GPR26: variants seen among roughly 807,000 people sequenced by gnomAD.
The protein encoded by GPR26 is G protein-coupled receptor 26.
Under a neutral mutation model 23.1 loss-of-function variants are expected in GPR26, and 15 were observed. The ratio of observed to expected loss-of-function variants is 0.65; its 90% CI spans 0.43 to 1.00. The LOEUF is 1.00. Ranked by LOEUF, GPR26 falls within the 50% of genes least tolerant of loss-of-function variation. GPR26 has a pLI of 0.00. For missense variants in GPR26, 359 were observed against 470.5 expected, an observed-to-expected ratio of 0.76 and a Z score of 2.19; for synonymous variants, 228 against 222.1, an observed-to-expected ratio of 1.03 and a Z score of -0.24.
chr10:123,678,270 G>A (rs1845331190), intron 2 of GPR26, among the ~76,000 whole-genome samples: 1 of 152,144 alleles, frequency 6.6e-6, no homozygotes, highest in South Asian at 2.1e-4. Context: ...GAAGTCAGGG[G>A]TGTGAGGTGT....
At chr10:123,675,630 C>A (rs1370548444) in intron 2 of GPR26, among the ~76,000 whole-genome samples, 1 of 151,976 alleles carries the variant, frequency 6.6e-6, no homozygotes, top group Admixed American at 6.5e-5. Flanking sequence ...ATATATATTA[C>A]TCAATCAGTT....
intron 2 of GPR26, among the ~76,000 whole-genome samples, chr10:123,685,467 C>T (rs1281800908): frequency 1.3e-5 from 2 of 152,232 alleles, no homozygotes; most frequent in Non-Finnish European, 1.5e-5. Flanking sequence ...AGCAGCTCAG[C>T]CAGCCACAGC....
At chr10:123,681,876 T>C (rs949634384) in intron 2 of GPR26, among the ~76,000 whole-genome samples, 3 of 152,190 alleles carry the variant, frequency 2.0e-5, no homozygotes, top group Non-Finnish European at 2.9e-5. Flanking sequence ...GCATACCTTA[T>C]TGCATCTGGG....
At position 123,690,716 on chromosome 10, in the gene GPR26, T is replaced by G. The variant is rs374343450; in HGVS notation, c.*2556T>G. 2.0e-5 allele frequency: 3 copies of G among 152,246 alleles called. No homozygotes were observed. The highest frequency in any genetic ancestry group is 2.0e-4 in the Admixed American group (3 of 15,290). 9.4% of individuals were successfully genotyped at this position (152,246 alleles called of 1,614,324 possible). A position where few individuals can be genotyped will look rare whatever the true frequency, so the allele number is the denominator to read the frequency against. On this transcript the variant is annotated 3_prime_UTR_variant, in exon 3 of 3. Transcript: ENST00000284674. ...GTATTAGCAACCAGTGTTAGCCAAC[T>G]CTGCTGTAATTACCTTTAGATAAAT...
Position 123,666,915 on chromosome 10 carries a change from G to A in GPR26, c.508G>A (p.Ala170Thr), listed in dbSNP as rs760298769. 6 of 1,613,044 alleles carry A rather than the reference G, an allele frequency of 3.7e-6. No individual in the cohort carries two copies. In the African/African-American group the frequency reaches 4.0e-5, roughly 11 times the overall value. ...SRRPDERLRF[A>T]VFTGAFHALS... Reference sequence around the variant, plus strand: ...GCGGCCAGACGAGCGCCTGCGCTTCGCCGTCTTCACTGGCGCCTTCCACGC... The same window carrying A: ...GCGGCCAGACGAGCGCCTGCGCTTCACCGTCTTCACTGGCGCCTTCCACGC... The change falls in exon 1 of 3, where the codon GCC becomes ACC. Residue 170 changes from alanine (A) to threonine (T), a missense_variant. Physicochemically the swap from Ala to Thr is moderately conservative, Grantham distance 58 (BLOSUM62 0). Coordinates refer to ENST00000284674, the MANE Select transcript of GPR26 (RefSeq NM_153442.4).
At position 123,688,093 on chromosome 10, in the gene GPR26, G is replaced by A. The variant is rs766170746; in HGVS notation, c.947G>A (p.Arg316His). Reference protein sequence around the residue: ...KEILNRLLHRRSIHSSGLTGD... With the variant: ...KEILNRLLHRHSIHSSGLTGD... The stretch of plus-strand genomic sequence containing the variant: ...ATTCTGAACAGGCTCCTGCACAGAC[G>A]CTCCATCCACTCCTCTGGCCTCACA... The change falls in exon 3 of 3, where the codon CGC becomes CAC. Residue 316 changes from arginine to histidine, a missense_variant. Arg to His is a conservative substitution (Grantham distance 29). Transcript: ENST00000284674. 4 of 1,613,622 alleles carry A rather than the reference G, an allele frequency of 2.5e-6. No individual in the cohort carries two copies. Among genetic ancestry groups the A allele is most frequent in the East Asian group, 2.2e-5 (1 of 44,890 alleles).
chr10:123,670,626 C>T (rs1249975659), intron 1 of GPR26, among the ~76,000 whole-genome samples: 1 of 152,230 alleles, frequency 6.6e-6, no homozygotes, highest in Non-Finnish European at 1.5e-5. Flanking sequence ...GCCCACCTGC[C>T]TTGCCTCCCA....
chr10:123,690,215 AG>A lies in GPR26; in HGVS notation c.*2056del, dbSNP rs1163027749. On this transcript the variant is annotated 3_prime_UTR_variant, in exon 3 of 3. Coordinates refer to ENST00000284674, the MANE Select transcript of GPR26 (RefSeq NM_153442.4). Reference sequence around the variant, plus strand: ...GTGCACCCTCCAACATCCCAACCCCAGAGGAACCAGTGGGATTGAAAACCAG... The same window carrying A: ...GTGCACCCTCCAACATCCCAACCCCAAGGAACCAGTGGGATTGAAAACCAG... The A allele has an allele frequency of 1.3e-5, 2 of 152,148 alleles. No individual in the cohort carries two copies. Among genetic ancestry groups the A allele is most frequent in the African/African-American group, 4.8e-5 (2 of 41,420 alleles). The allele number at this position is 152,148 out of a possible 1,614,324, so 9.4% of individuals were successfully genotyped here. A position where few individuals can be genotyped will look rare whatever the true frequency, so the allele number is the denominator to read the frequency against.
At chr10:123,675,316 CA>C (rs1192933041) in intron 2 of GPR26, among the ~76,000 whole-genome samples, 1 of 152,154 alleles carries the variant, frequency 6.6e-6, no homozygotes, top group Non-Finnish European at 1.5e-5. Context: ...CCACTGAATG[CA>C]AGATGGCCCA....
rs1028830408 is a variant in GPR26 at position 123,676,469 on chromosome 10, G to A, written c.782+1538G>A. ...CATCCCTGGCCTCTACCCAGGGGAT[G>A]CCAGTAGCACCTCCTAGTGAGGCAG... On this transcript the variant is annotated intron_variant, in intron 2 of 2. Coordinates refer to ENST00000284674, the MANE Select transcript of GPR26 (RefSeq NM_153442.4). 5.3e-5 allele frequency among the ~76,000 whole-genome samples: 8 copies of A among 152,170 alleles called. No homozygotes were observed. The South Asian group carries it at 1.5e-3, about 28-fold the overall frequency.
At chr10:123,680,561 T>C (rs2133927921) in intron 2 of GPR26, among the ~76,000 whole-genome samples, 1 of 152,316 alleles carries the variant, frequency 6.6e-6, no homozygotes, top group Non-Finnish European at 1.5e-5. Flanking sequence ...CTCCCTTGCA[T>C]GCAGCACCTC....
At chr10:123,686,176 C>A (rs1845428882) in intron 2 of GPR26, among the ~76,000 whole-genome samples, 1 of 152,168 alleles carries the variant, frequency 6.6e-6, no homozygotes, top group Non-Finnish European at 1.5e-5. Flanking sequence ...TTTGGGAGAG[C>A]CAAAATGCTA....
At chr10:123,677,734 C>T (rs534255819) in intron 2 of GPR26, among the ~76,000 whole-genome samples, 10 of 152,166 alleles carry the variant, frequency 6.6e-5, no homozygotes, top group Admixed American at 4.6e-4. Flanking sequence ...TGGGGCTTCA[C>T]GGACAAGCCT....
rs1003240271 is a variant in GPR26 at position 123,690,531 on chromosome 10, A to G, written c.*2371A>G. 3 of 152,176 alleles carry G rather than the reference A, an allele frequency of 2.0e-5. No homozygotes were observed. Among genetic ancestry groups the G allele is most frequent in the Non-Finnish European group, 4.4e-5 (3 of 68,036 alleles). The allele number at this position is 152,176 out of a possible 1,614,324, so 9.4% of individuals were successfully genotyped here. ...AGATCTGTCACCCACAACACCACAT[A>G]TCTTGAAAAGATGCTTTTCATAATT... On this transcript the variant is annotated 3_prime_UTR_variant, in exon 3 of 3. Coordinates refer to ENST00000284674, the MANE Select transcript of GPR26 (RefSeq NM_153442.4).
intron 1 of GPR26, among the ~76,000 whole-genome samples, chr10:123,670,378 ACT>A (rs1845235759): frequency 6.6e-6 from 1 of 152,184 alleles, no homozygotes; most frequent in Non-Finnish European, 1.5e-5. Flanking sequence ...TCAAGCTAAG[ACT>A]CACACTCAGG....
chr10:123,684,025 C>T (rs555342259), intron 2 of GPR26, among the ~76,000 whole-genome samples: 2 of 152,298 alleles, frequency 1.3e-5, no homozygotes, highest in Admixed American at 6.5e-5. Flanking sequence ...CAGCTCCATC[C>T]CCTCCCCCAA....
At chr10:123,684,203 G>T (rs2133930313) in intron 2 of GPR26, among the ~76,000 whole-genome samples, 1 of 152,298 alleles carries the variant, frequency 6.6e-6, no homozygotes, top group South Asian at 2.1e-4. Context: ...CTCAGTGGAA[G>T]GTCTGGGCAG....
At chr10:123,667,891 C>T (rs1470771878) in intron 1 of GPR26, among the ~76,000 whole-genome samples, 1 of 152,204 alleles carries the variant, frequency 6.6e-6, no homozygotes, top group Non-Finnish European at 1.5e-5. Flanking sequence ...GGAGGGAACT[C>T]TTAGCTGCGC....
Position 123,690,003 on chromosome 10 carries a change from G to A in GPR26, c.*1843G>A, listed in dbSNP as rs550951012. On this transcript the variant is annotated 3_prime_UTR_variant, in exon 3 of 3. Coordinates refer to ENST00000284674, the MANE Select transcript of GPR26 (RefSeq NM_153442.4). ...GCCACGGTGGGAGTGTTTATACCAT[G>A]AAAATCAGCAAGTGCTGTAAATCAG... 1 of 152,200 alleles carries A rather than the reference G, an allele frequency of 6.6e-6. No homozygotes were observed. The highest frequency in any genetic ancestry group is 2.4e-5 in the African/African-American group (1 of 41,532). The allele number at this position is 152,200 out of a possible 1,614,324, so 9.4% of individuals were successfully genotyped here.
Sources: allele counts gnomAD v4.1 joint callset (sites outside exome capture counted in the v4.1 genomes callset), GRCh38; gene constraint gnomAD v4.1.1; transcripts MANE v1.5; gene names NCBI Gene and HGNC (gene_info 2026-07-23, HGNC 2026-07-21).